ABHD17B: variants seen among roughly 807,000 people sequenced by gnomAD.
The protein encoded by ABHD17B is abhydrolase domain containing 17B, depalmitoylase.
In ABHD17B, 9 loss-of-function variants were observed where a neutral mutation model predicts 26.2. That is an observed-to-expected ratio of 0.34 (90% CI 0.21 to 0.60). The LOEUF is 0.60. Among genes scored for constraint, ABHD17B ranks in the 20% least tolerant of loss-of-function variants. The pLI is 0.80. For missense variants in ABHD17B, 224 were observed against 352.1 expected (o/e 0.64, Z 2.91); for synonymous variants, 127 against 122.3 (o/e 1.04, Z -0.25).
rs1262565775 is a variant in ABHD17B at position 71,877,514 on chromosome 9, T to G, written c.-3-2431A>C. On this transcript the variant is annotated intron_variant, in intron 1 of 3. Coordinates refer to ENST00000333421, the MANE Select transcript of ABHD17B (RefSeq NM_001025780.3). The stretch of plus-strand genomic sequence containing the variant: ...CTCACTGCAACCTCCGCCTCCCACA[T>G]TCAAGTGATTCTCCTGCCTCAGCCT... Among the ~76,000 whole-genome samples the G allele has an allele frequency of 3.3e-5, 5 of 152,356 alleles. 1 individual carries two copies. The East Asian group carries it at 9.6e-4, about 29-fold the overall frequency.
At chr9:71,892,536 AAAAAAC>A (rs956677745) in intron 1 of ABHD17B, among the ~76,000 whole-genome samples, 3 of 152,030 alleles carry the variant, frequency 2.0e-5, no homozygotes, top group Non-Finnish European at 4.4e-5. Flanking sequence ...CCCTCTCAAA[AAAAAAC>A]AAAAACAAAC....
intron 1 of ABHD17B, among the ~76,000 whole-genome samples, chr9:71,907,824 G>A (rs1426674024): frequency 6.6e-6 from 1 of 152,086 alleles, no homozygotes; most frequent in African/African-American, 2.4e-5. Context: ...CGGACACTTC[G>A]TTTTAATTGG....
At chr9:71,892,705 A>T (rs1290945309) in intron 1 of ABHD17B, among the ~76,000 whole-genome samples, 1 of 152,026 alleles carries the variant, frequency 6.6e-6, no homozygotes, top group Non-Finnish European at 1.5e-5. Context: ...TGAGAGAGTA[A>T]GGGAGGTTGT....
chr9:71,888,680 G>A (rs1034021699), intron 1 of ABHD17B, among the ~76,000 whole-genome samples: 2 of 151,930 alleles, frequency 1.3e-5, no homozygotes, highest in Non-Finnish European at 2.9e-5. Flanking sequence ...TTACAAAAAA[G>A]ATTATTTCTA....
chr9:71,906,722 G>A (rs1390919494), intron 1 of ABHD17B, among the ~76,000 whole-genome samples: 5 of 152,150 alleles, frequency 3.3e-5, no homozygotes, highest in African/African-American at 9.7e-5. Flanking sequence ...GGAGGCTGAA[G>A]TGGGAGGATC....
At chr9:71,904,035 G>T (rs1827215886) in intron 1 of ABHD17B, among the ~76,000 whole-genome samples, 1 of 152,130 alleles carries the variant, frequency 6.6e-6, no homozygotes, top group African/African-American at 2.4e-5. Flanking sequence ...CACTCTTCCA[G>T]TATTTTGCTA....
Position 71,866,129 on chromosome 9 carries a change from T to C in ABHD17B, c.*658A>G. On this transcript the variant is annotated 3_prime_UTR_variant, in exon 4 of 4. Transcript: ENST00000333421. ...GTCAAAACTAGTTAAAATTCAGTGC[T>C]ATCATGACTTCTCATTTACAAGGTA... 1.0e-6 allele frequency: 1 copy of C among 985,206 alleles called. No individual in the cohort carries two copies. The highest frequency in any genetic ancestry group is 1.2e-6 in the Non-Finnish European group (1 of 829,368). 61.0% of individuals were successfully genotyped at this position (985,206 alleles called of 1,614,324 possible). A position where few individuals can be genotyped will look rare whatever the true frequency, so the allele number is the denominator to read the frequency against.
chr9:71,883,478 A>G (rs559029894), intron 1 of ABHD17B, among the ~76,000 whole-genome samples: 1 of 152,342 alleles, frequency 6.6e-6, no homozygotes, highest in South Asian at 2.1e-4. Flanking sequence ...TTGTGCTGGG[A>G]AAACTTACCA....
At chr9:71,877,748 T>A (rs1256931206) in intron 1 of ABHD17B, among the ~76,000 whole-genome samples, 1 of 152,204 alleles carries the variant, frequency 6.6e-6, no homozygotes, top group Non-Finnish European at 1.5e-5. Flanking sequence ...AATAAACTAC[T>A]TTTGAAATAA....
chr9:71,898,731 C>T (rs564461076), intron 1 of ABHD17B, among the ~76,000 whole-genome samples: 1 of 152,194 alleles, frequency 6.6e-6, no homozygotes, highest in South Asian at 2.1e-4. Flanking sequence ...GGAGTGGTGG[C>T]TCCCACCTGC....
rs112093856 is a variant in ABHD17B at position 71,905,749 on chromosome 9, G to A, written c.-4+4885C>T. ...ATAAAGAAAGTGCTGCTCAGATTGG[G>A]CGCAGTGGCTCACACCTATAATCCC... On this transcript the variant is annotated intron_variant, in intron 1 of 3. Transcript: ENST00000333421. 3.7e-3 allele frequency among the ~76,000 whole-genome samples: 571 copies of A among 152,292 alleles called. 3 individuals carry two copies. The highest frequency in any genetic ancestry group is 0.014 in the Middle Eastern group (4 of 294).
rs975563479 is a variant in ABHD17B at position 71,866,722 on chromosome 9, T to C, written c.*65A>G. ...TTGCAAACAAAACCTTCAGGTTTTA[T>C]GTTATTTACCAAAGAGTGCAGTTCA... On this transcript the variant is annotated 3_prime_UTR_variant, in exon 4 of 4. Transcript: ENST00000333421. 4.9e-5 allele frequency: 78 copies of C among 1,583,882 alleles called. No individual in the cohort carries two copies. Among genetic ancestry groups the C allele is most frequent in the Middle Eastern group, 1.7e-4 (1 of 5,962 alleles).
chr9:71,892,303 T>C (rs979834134), intron 1 of ABHD17B, among the ~76,000 whole-genome samples: 6 of 151,922 alleles, frequency 3.9e-5, no homozygotes, highest in Admixed American at 3.9e-4. Flanking sequence ...GAGGTCGAGG[T>C]GGGCGAATCA....
chr9:71,884,161 T>C (rs541510873), intron 1 of ABHD17B, among the ~76,000 whole-genome samples: 1 of 152,028 alleles, frequency 6.6e-6, no homozygotes, highest in Admixed American at 6.5e-5. Flanking sequence ...AAATAATACA[T>C]CAAAACTAAA....
At chr9:71,904,616 T>G (rs551224504) in intron 1 of ABHD17B, among the ~76,000 whole-genome samples, 1 of 152,290 alleles carries the variant, frequency 6.6e-6, no homozygotes, top group Non-Finnish European at 1.5e-5. Context: ...GATTAGTATT[T>G]AAGAGTGTCT....
chr9:71,873,596 C>T (rs942133067), intron 2 of ABHD17B, among the ~76,000 whole-genome samples: 3 of 152,100 alleles, frequency 2.0e-5, no homozygotes, highest in African/African-American at 7.2e-5. Flanking sequence ...CGGGGTTTCA[C>T]CATCTTGGCC....
intron 1 of ABHD17B, among the ~76,000 whole-genome samples, chr9:71,894,031 C>G (rs760200439): frequency 1.5e-5 from 2 of 130,748 alleles, no homozygotes; most frequent in Middle Eastern, 4.3e-3. Context: ...GCGCTTGCAG[C>G]GAGCTGAGAT....
intron 3 of ABHD17B, among the ~76,000 whole-genome samples, chr9:71,868,318 A>G (rs775629778): frequency 3.3e-4 from 50 of 152,348 alleles, no homozygotes; most frequent in Non-Finnish European, 5.4e-4. Flanking sequence ...TTGTCTGCTT[A>G]TATGTAAGAG....
chr9:71,873,808 C>T (rs1826182158), intron 2 of ABHD17B, among the ~76,000 whole-genome samples: 1 of 152,194 alleles, frequency 6.6e-6, no homozygotes, highest in African/African-American at 2.4e-5. Context: ...GCTAGGACTA[C>T]AGGCGTGAGC....
Sources: gnomAD v4.1 joint callset for allele counts (sites outside exome capture counted in the v4.1 genomes callset) on GRCh38, gnomAD v4.1.1 for gene constraint, MANE v1.5 for transcripts, NCBI Gene and HGNC (gene_info 2026-07-23, HGNC 2026-07-21) for gene names.